The following RSPH14 variants were observed in gnomAD, a reference collection of about 807,000 sequenced individuals.
RSPH14 encodes radial spoke head 14 homolog.
Under a neutral mutation model 26.7 loss-of-function variants are expected in RSPH14, and 20 were observed. That is an observed-to-expected ratio of 0.75 (90% CI 0.53 to 1.09). The LOEUF (loss-of-function observed/expected upper bound fraction) is 1.09, where lower values mean the gene tolerates loss of function less well. Ranked by LOEUF, RSPH14 falls within the 50% of genes least tolerant of loss-of-function variation. The pLI, the probability that RSPH14 is intolerant of heterozygous loss-of-function variation, is 0.00. For synonymous variants in RSPH14, 177 were observed against 189.3 expected (o/e 0.93, Z 0.53); for missense variants, 449 against 457.2 (o/e 0.98, Z 0.16).
At chr22:23,145,268 C>A, upstream of RSPH14, 1 of 1,190,088 alleles carries the variant, frequency 8.4e-7, no homozygotes, top group Non-Finnish European at 1.2e-6. Context: ...ACCCATCCAG[C>A]ACCGCCCTTG....
At chr22:23,130,952 C>G (rs2070350171) in intron 4 of RSPH14, among the ~76,000 whole-genome samples, 2 of 152,238 alleles carry the variant, frequency 1.3e-5, no homozygotes, top group Non-Finnish European at 2.9e-5. Flanking sequence ...TTCTCCCTGG[C>G]CCAGCGATGC....
rs549819890 is a variant in RSPH14, at chr22:23,071,686, A to C, written c.422-7553T>G. ...TAGGGGAAAACGTCTCTACTCGACC[A>C]ACCCCGCTTGAGTGCAGGTGCAGGG... On this transcript the variant is annotated intron_variant, in intron 4 of 6. Transcript: ENST00000216036. The surrounding 1 kb of genome is among the most constrained non-coding windows in gnomAD (Gnocchi z 4.1). Among the ~76,000 whole-genome samples the C allele has an allele frequency of 6.6e-6, 1 of 152,326 alleles. No homozygotes were observed. Among genetic ancestry groups the C allele is most frequent in the East Asian group, 1.9e-4 (1 of 5,180 alleles).
rs113693449 is a variant in RSPH14 at position 23,061,708 on chromosome 22, T to G, written c.790+101A>C. The G allele has an allele frequency of 4.5e-3, 6,205 of 1,382,280 alleles. 201 individuals carry two copies. In the African/African-American group the frequency reaches 0.078, roughly 17 times the overall value. The allele number at this position is 1,382,280 out of a possible 1,614,324, so 85.6% of individuals were successfully genotyped here. A position where few individuals can be genotyped will look rare whatever the true frequency, so the allele number is the denominator to read the frequency against. On this transcript the variant is annotated intron_variant, in intron 6 of 6. Transcript: ENST00000216036. ...AGGTTTTTTTTTTTTTTGCAAAGTG[T>G]GGAGTTTGGGGGACGATACCCAGCC...
the RSPH14 span, among the ~76,000 whole-genome samples, chr22:23,168,518 G>A: frequency 1.3e-5 from 2 of 152,168 alleles, no homozygotes; most frequent in East Asian, 3.9e-4. Context: ...ACAGACACCT[G>A]CCGCTTCAGG....
chr22:23,095,927 A>G (rs147402483), intron 4 of RSPH14: 4 of 1,613,196 alleles, frequency 2.5e-6, no homozygotes, highest in Admixed American at 1.7e-5. Flanking sequence ...CTACAATGCC[A>G]TCGACTCGCT....
At chr22:23,158,793 C>T in the RSPH14 span, 3 of 1,016,518 alleles carry the variant, frequency 3.0e-6, no homozygotes, top group Admixed American at 5.8e-5. Context: ...CCTTGTCCCT[C>T]CCAGCCCAGC....
At chr22:23,092,326 A>G (rs1172130735) in intron 4 of RSPH14, among the ~76,000 whole-genome samples, 1 of 152,120 alleles carries the variant, frequency 6.6e-6, no homozygotes, top group Non-Finnish European at 1.5e-5. Flanking sequence ...CTCCCAACGC[A>G]AGGCTTCCTT....
rs533799876 is a variant in RSPH14, at chr22:23,100,886, G to A, written c.421+33140C>T. ...CCCTGAGGAGGGGCTGCCCAAGGCC[G>A]TCCTGTGAACACAGCGTGTTCCTGC... is the stretch of plus-strand genomic sequence containing the variant. On this transcript the variant is annotated intron_variant, in intron 4 of 6. Coordinates refer to ENST00000216036, the MANE Select transcript of RSPH14 (RefSeq NM_014433.3). Among the ~76,000 whole-genome samples the A allele has an allele frequency of 1.3e-5, 2 of 152,220 alleles. 1 individual carries two copies. Among genetic ancestry groups the A allele is most frequent in the Admixed American group, 1.3e-4 (2 of 15,284 alleles).
At chr22:23,175,970 T>A in the RSPH14 span, among the ~76,000 whole-genome samples, 1 of 152,352 alleles carries the variant, frequency 6.6e-6, no homozygotes, top group Non-Finnish European at 1.5e-5. Context: ...CTGCCTCTAC[T>A]TCCCCCCTAG....
chr22:23,178,975 G>A, the RSPH14 span, among the ~76,000 whole-genome samples: 2 of 152,146 alleles, frequency 1.3e-5, no homozygotes, highest in Non-Finnish European at 1.5e-5. Context: ...CCAGCCTGCC[G>A]GGTCAGGGGA....
At chr22:23,157,425 G>A in the RSPH14 span, among the ~76,000 whole-genome samples, 1 of 151,810 alleles carries the variant, frequency 6.6e-6, no homozygotes, top group Non-Finnish European at 1.5e-5. Context: ...TAATTTTTTT[G>A]TGTGTGTGTA....
At chr22:23,130,232 G>A (rs2070318379) in intron 4 of RSPH14, among the ~76,000 whole-genome samples, 1 of 151,178 alleles carries the variant, frequency 6.6e-6, no homozygotes, top group South Asian at 2.1e-4. Context: ...GAGGCAGGCG[G>A]ATCATGAGGT....
At chr22:23,061,442 T>C (rs1348735570) in intron 6 of RSPH14, among the ~76,000 whole-genome samples, 2 of 152,146 alleles carry the variant, frequency 1.3e-5, no homozygotes, top group East Asian at 3.9e-4. Flanking sequence ...AGTCAAGGGC[T>C]CCAGGGTTTG....
At chr22:23,062,549 C>G (rs2068118384) in intron 5 of RSPH14, among the ~76,000 whole-genome samples, 1 of 152,220 alleles carries the variant, frequency 6.6e-6, no homozygotes, top group African/African-American at 2.4e-5. Flanking sequence ...AGTGCAAAGA[C>G]CCCTGTGTCA....
intron 4 of RSPH14, among the ~76,000 whole-genome samples, chr22:23,101,052 A>C (rs540573908): frequency 2.6e-5 from 4 of 152,226 alleles, no homozygotes; most frequent in African/African-American, 7.2e-5. Context: ...GCTTATACCT[A>C]TTGATGACAG....
intron 4 of RSPH14, among the ~76,000 whole-genome samples, chr22:23,114,537 T>C (rs1216339378): frequency 2.0e-5 from 3 of 152,172 alleles, no homozygotes; most frequent in African/African-American, 7.2e-5. Context: ...CCTGCATTCC[T>C]GTGGTGTGTC....
At chr22:23,130,032 GGGAA>G (rs1370674545) in intron 4 of RSPH14, among the ~76,000 whole-genome samples, 2 of 144,966 alleles carry the variant, frequency 1.4e-5, no homozygotes, top group Non-Finnish European at 3.0e-5. Context: ...AAGAAAGAAA[GGGAA>G]GGGAGAGAAA....
At position 23,071,928 on chromosome 22, in the gene RSPH14, G is replaced by A. The variant is rs1002276924; in HGVS notation, c.422-7795C>T. ...AGGAGGAGGTATGGCGGGAAAGGCCGGTGGGGGCTGCACGGGGCTGAGGGA... is the reference window on the plus strand; with the variant it reads ...AGGAGGAGGTATGGCGGGAAAGGCCAGTGGGGGCTGCACGGGGCTGAGGGA... On this transcript the variant is annotated intron_variant, in intron 4 of 6. Coordinates refer to ENST00000216036, the MANE Select transcript of RSPH14 (RefSeq NM_014433.3). This position sits in a 1 kb window ranked among gnomAD's most constrained non-coding sequence, Gnocchi z 4.1. Among the ~76,000 whole-genome samples the A allele has an allele frequency of 6.6e-6, 1 of 152,186 alleles. No homozygotes were observed. Among genetic ancestry groups the A allele is most frequent in the Admixed American group, 6.5e-5 (1 of 15,278 alleles).
upstream of RSPH14, chr22:23,145,454 C>T (rs1337377844): frequency 6.2e-7 from 1 of 1,610,300 alleles, no homozygotes; most frequent in African/African-American, 1.3e-5. Flanking sequence ...ATTCGTGTAG[C>T]CCGCAGGTCC....
Sources: gnomAD v4.1 joint callset for allele counts (sites outside exome capture counted in the v4.1 genomes callset) on GRCh38, gnomAD v4.1.1 for gene constraint, Gnocchi (gnomAD v3.1) non-coding constraint, MANE v1.5 for transcripts, NCBI Gene and HGNC (gene_info 2026-07-23, HGNC 2026-07-21) for gene names.